The following POTEE variants were observed in gnomAD, a reference collection of about 807,000 sequenced individuals.
The protein encoded by POTEE is ANKRD26-like family C member 1A.
A neutral mutation model predicts 74.2 loss-of-function variants in POTEE; 21 were observed. That is an observed-to-expected ratio of 0.28 (90% CI 0.20 to 0.41). POTEE has a LOEUF of 0.41. POTEE is among the 10% of genes least tolerant of loss of function. The probability of loss-of-function intolerance (pLI) is 1.00; values close to 1 mark genes in which losing one functional copy is unlikely to be tolerated. For missense variants in POTEE, 525 were observed against 1,158.6 expected (o/e 0.45, Z 7.94); for synonymous variants, 211 against 432.8 (o/e 0.49, Z 6.36).
rs1361727918 is a variant in POTEE, at chr2:131,264,165, G to T, written c.2710G>T (p.Ala904Ser). 1.2e-6 allele frequency: 2 copies of T among 1,614,304 alleles called. No homozygotes were observed. The highest frequency in any genetic ancestry group is 1.7e-6 in the Non-Finnish European group (2 of 1,180,054). ...GCGTGGCTATAGGTTCACCACCATG[G>T]CCGAGCGGGAAATCGTGCGTGACAT... is the stretch of plus-strand genomic sequence containing the variant. ...TERGYRFTTM[A>S]EREIVRDIKE... The change falls in exon 18 of 18, where the codon GCC becomes TCC. Residue 904 changes from alanine (A) to serine (S), a missense_variant. Coordinates refer to ENST00000683005, the MANE Select transcript of POTEE (RefSeq NM_001083538.3).
rs533637909 is a variant in POTEE, at chr2:131,231,734, A to G, written c.1126+828A>G. Among the ~76,000 whole-genome samples, 910 of 152,208 alleles carry G rather than the reference A, an allele frequency of 6.0e-3. 9 individuals are homozygous for G. Among genetic ancestry groups the G allele is most frequent in the African/African-American group, 0.02 (817 of 41,510 alleles). On this transcript the variant is annotated intron_variant, in intron 9 of 17. Coordinates refer to ENST00000683005, the MANE Select transcript of POTEE (RefSeq NM_001083538.3). ...CATTTGCCAAAAGATTGTCATAATA[A>G]ATATACAAATTGCCCAACTCTAGGC...
Position 131,218,645 on chromosome 2 carries a change from C to T in POTEE, c.243C>T (p.Gly81=), listed in dbSNP as rs766965304. The stretch of plus-strand genomic sequence containing the variant: ...GGGGGAGTGGCAAGAGCAACGTGGG[C>T]GCTTCTGGAGACCACGACGACTCTG... ...CCRGSGKSNV[G]ASGDHDDSAM... is the part of the protein sequence containing the mutation. Residue 81 remains glycine, a synonymous_variant, in exon 4 of 18, where the codon GGC becomes GGT. Transcript: ENST00000683005. 1.9e-5 allele frequency: 30 copies of T among 1,608,554 alleles called. No homozygotes were observed. Among genetic ancestry groups the T allele is most frequent in the South Asian group, 1.3e-4 (12 of 90,818 alleles).
chr2:131,219,740 A>G (rs10179422), intron 4 of POTEE, among the ~76,000 whole-genome samples: 104,991 of 148,592 alleles, frequency 0.71, 40,439 homozygotes, highest in Non-Finnish European at 0.86. Context: ...CCCTTTCAAA[A>G]AAAAAAAAAA....
At chr2:131,232,451 C>CAAGT (rs1700993837) in intron 9 of POTEE, among the ~76,000 whole-genome samples, 1 of 121,864 alleles carries the variant, frequency 8.2e-6, no homozygotes, top group South Asian at 3.1e-4. Flanking sequence ...GGAAGAGCAG[C>CAAGT]AAGTGCAAAA....
intron 2 of POTEE, among the ~76,000 whole-genome samples, 147 bp downstream of exon 2, chr2:131,211,330 C>A (rs1316695921): frequency 6.6e-6 from 1 of 151,052 alleles, no homozygotes; most frequent in African/African-American, 2.4e-5. Context: ...AGGAGCACTG[C>A]AGGGCCCAGT....
At chr2:131,218,258 C>G in intron 3 of POTEE, 52 bp from the exon 4 acceptor site, 1 of 1,476,200 alleles carries the variant, frequency 6.8e-7, no homozygotes, top group South Asian at 1.3e-5. Context: ...GGCTGGAATC[C>G]CCTGCTGGGG....
chr2:131,255,020 T>C (rs1198750216), intron 16 of POTEE, among the ~76,000 whole-genome samples: 2 of 151,826 alleles, frequency 1.3e-5, no homozygotes, highest in African/African-American at 4.8e-5. Flanking sequence ...CTGACATTTC[T>C]AAATGCCATA....
chr2:131,229,083 T>G (rs1015285627), intron 8 of POTEE, among the ~76,000 whole-genome samples: 1 of 151,222 alleles, frequency 6.6e-6, no homozygotes, highest in Non-Finnish European at 1.5e-5. Flanking sequence ...CTTGACTTTA[T>G]CCGCACACAA....
intron 4 of POTEE, among the ~76,000 whole-genome samples, chr2:131,219,738 A>G (rs942785486): frequency 4.1e-5 from 6 of 148,148 alleles, no homozygotes; most frequent in African/African-American, 1.5e-4. Flanking sequence ...CTCCCTTTCA[A>G]AAAAAAAAAA....
rs367846477 is a variant in POTEE at position 131,264,004 on chromosome 2, G to T, written c.2549G>T (p.Gly850Val). The change falls in exon 18 of 18, where the codon GGC becomes GTC. Residue 850 changes from glycine to valine, a missense_variant. Coordinates refer to ENST00000683005, the MANE Select transcript of POTEE (RefSeq NM_001083538.3). ...CTGTACACCTCTGGCCGTACTACTG[G>T]CATCGTGATGGACTCTGGTGACGGG... ...PSLYTSGRTT[G>V]IVMDSGDGVT... The T allele has an allele frequency of 2.1e-5, 34 of 1,614,074 alleles. No individual in the cohort carries two copies. Among genetic ancestry groups the T allele is most frequent in the African/African-American group, 4.0e-5 (3 of 74,934 alleles).
chr2:131,218,029 T>TGG (rs2105064437), intron 3 of POTEE: 1 of 310,018 alleles, frequency 3.2e-6, no homozygotes, highest in African/African-American at 2.9e-5. Flanking sequence ...GGATTGACGT[T>TGG]TCCTGCTTGG....
rs1454184209 is a variant in POTEE, at chr2:131,210,466, G to C, written c.-344-562G>C. Reference sequence around the variant, plus strand: ...GGGGGCTATACTGCCAGTGGTGTTGGTCGGCTGCAGAGGTGGTGGGGACAG... The same window carrying C: ...GGGGGCTATACTGCCAGTGGTGTTGCTCGGCTGCAGAGGTGGTGGGGACAG... On this transcript the variant is annotated intron_variant, in intron 1 of 17. Coordinates refer to ENST00000683005, the MANE Select transcript of POTEE (RefSeq NM_001083538.3). Among the ~76,000 whole-genome samples, 3 of 151,496 alleles carry C rather than the reference G, an allele frequency of 2.0e-5. No homozygotes were observed. In the East Asian group the frequency reaches 5.8e-4, roughly 29 times the overall value.
intron 3 of POTEE, among the ~76,000 whole-genome samples, 82 bp downstream of exon 3, chr2:131,217,765 ACGCG>A (rs1227891292): frequency 9.0e-5 from 1 of 11,144 alleles, no homozygotes; most frequent in South Asian, 2.7e-3. Flanking sequence ...CGCACGCCGC[ACGCG>A]CACGCCGCAC....
In POTEE at chr2:131,235,803, A is replaced by G. The variant is rs553874511; in HGVS notation, c.1127-929A>G. Among the ~76,000 whole-genome samples the G allele has an allele frequency of 5.3e-5, 8 of 151,578 alleles. No individual in the cohort carries two copies. The South Asian group carries it at 1.0e-3, about 20-fold the overall frequency. On this transcript the variant is annotated intron_variant, in intron 9 of 17. Transcript: ENST00000683005. ...GCAAGACCCTGGCTCAAAAAAAAAA[A>G]AAAAAAAAAAGAAAGAAAAAAGAAA...
intron 7 of POTEE, 149 bp from the exon 8 acceptor site, chr2:131,228,095 G>C: frequency 2.1e-6 from 3 of 1,443,188 alleles, no homozygotes; most frequent in Non-Finnish European, 2.8e-6. Flanking sequence ...ATTTTACAAA[G>C]ATGAACACTT....
At chr2:131,219,452 GCT>G (rs1700547609) in intron 4 of POTEE, among the ~76,000 whole-genome samples, 1 of 151,940 alleles carries the variant, frequency 6.6e-6, no homozygotes, top group Admixed American at 6.6e-5. Context: ...TAAGATGTGA[GCT>G]TTTTGGCTGG....
In POTEE at chr2:131,263,876, G is replaced by T. The variant is rs1701808564; in HGVS notation, c.2421G>T (p.Glu807Asp). ...AGGAGCACCCCATCCTGCTGACCGA[G>T]GCCCCCCTGAACCCCAAGGCCAACC... is the stretch of plus-strand genomic sequence containing the variant. ...APEEHPILLTEAPLNPKANRE... is the reference protein window; with the variant it reads ...APEEHPILLTDAPLNPKANRE... The change falls in exon 18 of 18, where the codon GAG becomes GAT. Residue 807 changes from glutamate to aspartate, a missense_variant. By Grantham distance (45) the Glu-to-Asp change is conservative (BLOSUM62 2). Transcript: ENST00000683005. 1.2e-6 allele frequency: 2 copies of T among 1,614,164 alleles called. No homozygotes were observed. Among genetic ancestry groups the T allele is most frequent in the Non-Finnish European group, 1.7e-6 (2 of 1,180,026 alleles).
Position 131,237,743 on chromosome 2 carries a change from G to A in POTEE, c.1198-451G>A, listed in dbSNP as rs529773989. ...ATCCAGTTAGGAATCTTTTAGAAAA[G>A]CACTTCAGTGCACTGTAGGGGCTCA... On this transcript the variant is annotated intron_variant, in intron 10 of 17. Coordinates refer to ENST00000683005, the MANE Select transcript of POTEE (RefSeq NM_001083538.3). 2.6e-5 allele frequency among the ~76,000 whole-genome samples: 4 copies of A among 152,346 alleles called. No homozygotes were observed. The East Asian group carries it at 7.7e-4, about 29-fold the overall frequency.
chr2:131,211,354 G>A (rs1700353670), intron 2 of POTEE, among the ~76,000 whole-genome samples, 171 bp downstream of exon 2: 1 of 151,672 alleles, frequency 6.6e-6, no homozygotes, highest in Middle Eastern at 3.4e-3. Context: ...ACCTGGGGTG[G>A]GGAGGAACCT....
Sources: allele counts gnomAD v4.1 joint callset (sites outside exome capture counted in the v4.1 genomes callset), GRCh38; gene constraint gnomAD v4.1.1; transcripts MANE v1.5; gene names NCBI Gene and HGNC (gene_info 2026-07-23, HGNC 2026-07-21).